Variants in PKHD1 observed in about 807,000 individuals in gnomAD.
PKHD1 encodes fibrocystin.
PKHD1 carries 291 observed loss-of-function variants against 412.0 expected under a neutral mutation model. The observed-to-expected ratio is 0.71, with a 90% CI of 0.64 to 0.78. The LOEUF (loss-of-function observed/expected upper bound fraction) is 0.78, where lower values mean the gene tolerates loss of function less well. Ranked by LOEUF, PKHD1 falls within the 30% of genes least tolerant of loss-of-function variation. The probability of loss-of-function intolerance (pLI) is 0.00; values close to 1 mark genes in which losing one functional copy is unlikely to be tolerated. For missense variants in PKHD1, 4,825 were observed against 4,950.7 expected (o/e 0.97, Z 0.76); for synonymous variants, 1,777 against 1,821.5 (o/e 0.98, Z 0.62).
In PKHD1 at chr6:51,831,030, G is replaced by A. The variant is rs201566745; in HGVS notation, c.8174-41C>T. The A allele has an allele frequency of 4.0e-6, 6 of 1,513,062 alleles. No individual in the cohort carries two copies. The East Asian group carries it at 1.4e-4, about 35-fold the overall frequency. 93.7% of individuals were successfully genotyped at this position (1,513,062 alleles called of 1,614,324 possible). On this transcript the variant is annotated intron_variant, in intron 51 of 66. Coordinates refer to ENST00000371117, the MANE Select transcript of PKHD1 (RefSeq NM_138694.4). The stretch of plus-strand genomic sequence containing the variant: ...AAATTTTGAAAATCTAATCCATTGT[G>A]ATAACTTCCAAATTCTATCCTTATT...
chr6:51,872,809 T>C (rs1776184397), intron 46 of PKHD1, among the ~76,000 whole-genome samples: 1 of 151,330 alleles, frequency 6.6e-6, no homozygotes, highest in South Asian at 2.1e-4. Flanking sequence ...TGGTATCCTG[T>C]AACCAACAAT....
Position 51,906,386 on chromosome 6 carries a change from T to C in PKHD1, c.6683-46A>G, listed in dbSNP as rs560902081. On this transcript the variant is annotated intron_variant, in intron 40 of 66. Coordinates refer to ENST00000371117, the MANE Select transcript of PKHD1 (RefSeq NM_138694.4). ...TAAAAATTAGATATGGCTCCTGAGA[T>C]TCTGTTGACCATATTTAGAGCAACC... 10 of 1,541,946 alleles carry C rather than the reference T, an allele frequency of 6.5e-6. No individual in the cohort carries two copies. The African/African-American group carries it at 6.8e-5, about 10-fold the overall frequency.
At chr6:51,834,266 C>A (rs1768788447) in intron 51 of PKHD1, among the ~76,000 whole-genome samples, 1 of 152,044 alleles carries the variant, frequency 6.6e-6, no homozygotes, top group South Asian at 2.1e-4. Flanking sequence ...GTGGAAGATG[C>A]AGGAAGGGAT....
At chr6:51,978,502 G>A (rs1794740930) in intron 35 of PKHD1, among the ~76,000 whole-genome samples, 1 of 152,166 alleles carries the variant, frequency 6.6e-6, no homozygotes, top group Non-Finnish European at 1.5e-5. Context: ...AACATGGGCT[G>A]TGAGGGAAGA....
chr6:51,941,128 A>G (rs1018170464), intron 36 of PKHD1, among the ~76,000 whole-genome samples: 2 of 148,344 alleles, frequency 1.3e-5, no homozygotes, highest in African/African-American at 5.0e-5. Flanking sequence ...ACCCTTTACC[A>G]TCCCATTAAA....
At chr6:52,083,371 G>T in intron 2 of PKHD1, 116 bp from the exon 3 acceptor site, 1 of 754,838 alleles carries the variant, frequency 1.3e-6, no homozygotes, top group Non-Finnish European at 2.4e-6. Context: ...GCTTGATTAA[G>T]CACAGGTGGT....
intron 61 of PKHD1, 32 bp downstream of exon 61, chr6:51,658,920 C>T (rs1035738660): frequency 6.1e-6 from 9 of 1,474,570 alleles, no homozygotes; most frequent in African/African-American, 1.4e-5. Flanking sequence ...AAAATCAGCC[C>T]TCATTTGGAT....
At chr6:51,725,486 G>T (rs1782460259) in intron 60 of PKHD1, among the ~76,000 whole-genome samples, 1 of 151,884 alleles carries the variant, frequency 6.6e-6, no homozygotes, top group South Asian at 2.1e-4. Flanking sequence ...TGGAAAAATG[G>T]AGAGAAAGAG....
At chr6:51,632,447 T>C in intron 65 of PKHD1, 118 bp downstream of exon 65, 1 of 811,020 alleles carries the variant, frequency 1.2e-6, no homozygotes, top group Non-Finnish European at 2.0e-6. Context: ...TAATTTTATA[T>C]TTTAGAGAAG....
At chr6:51,632,199 C>T (rs1768011373) in intron 65 of PKHD1, among the ~76,000 whole-genome samples, 1 of 152,100 alleles carries the variant, frequency 6.6e-6, no homozygotes, top group Non-Finnish European at 1.5e-5. Flanking sequence ...CCACCTCTGC[C>T]TCCCAAAGTG....
intron 55 of PKHD1, among the ~76,000 whole-genome samples, chr6:51,760,262 A>G (rs1170909479): frequency 6.6e-6 from 1 of 152,066 alleles, no homozygotes; most frequent in African/African-American, 2.4e-5. Context: ...ATACACATCA[A>G]GTCAATGTAG....
At chr6:51,919,847 A>G (rs542372210) in intron 37 of PKHD1, among the ~76,000 whole-genome samples, 25 of 152,316 alleles carry the variant, frequency 1.6e-4, no homozygotes, top group African/African-American at 5.8e-4. Context: ...GGTCCTTCAC[A>G]TCCCTTGTAA....
chr6:51,619,679 A>G (rs1766367322), intron 66 of PKHD1, among the ~76,000 whole-genome samples, 159 bp from the exon 67 acceptor site: 2 of 152,244 alleles, frequency 1.3e-5, no homozygotes, highest in East Asian at 1.9e-4. Context: ...CACTCCAAAT[A>G]TGTAATAAAA....
chr6:51,866,294 G>A (rs1415136688), intron 48 of PKHD1, among the ~76,000 whole-genome samples: 1 of 152,128 alleles, frequency 6.6e-6, no homozygotes, highest in African/African-American at 2.4e-5. Flanking sequence ...GACTGAGGAA[G>A]TTTCCAGAAC....
chr6:51,952,080 C>T (rs1010943813), intron 36 of PKHD1, among the ~76,000 whole-genome samples: 3 of 152,120 alleles, frequency 2.0e-5, no homozygotes, highest in African/African-American at 7.2e-5. Context: ...TGTCTGTCTG[C>T]CCATCTATTG....
intron 36 of PKHD1, among the ~76,000 whole-genome samples, chr6:51,936,380 A>G (rs1787482396): frequency 1.3e-5 from 2 of 152,218 alleles, no homozygotes; most frequent in South Asian, 4.1e-4. Flanking sequence ...GGCAGATTCT[A>G]CTATAATAAG....
intron 53 of PKHD1, among the ~76,000 whole-genome samples, chr6:51,785,565 T>C (rs914879190): frequency 2.0e-5 from 3 of 152,236 alleles, no homozygotes; most frequent in African/African-American, 4.8e-5. Flanking sequence ...TGGAATAAGA[T>C]GGCCAATTTT....
chr6:52,019,208 C>A (rs889283293), intron 33 of PKHD1, among the ~76,000 whole-genome samples: 1 of 152,144 alleles, frequency 6.6e-6, no homozygotes, highest in African/African-American at 2.4e-5. Flanking sequence ...CAAGCCTGCC[C>A]ATGTGGGTAA....
intron 36 of PKHD1, among the ~76,000 whole-genome samples, chr6:51,935,015 C>T (rs1193353741): frequency 6.6e-6 from 1 of 152,186 alleles, no homozygotes; most frequent in South Asian, 2.1e-4. Flanking sequence ...ACACCTGCTT[C>T]TGAGATGCCC....
Sources: gnomAD v4.1 joint callset for allele counts (sites outside exome capture counted in the v4.1 genomes callset) on GRCh38, gnomAD v4.1.1 for gene constraint, MANE v1.5 for transcripts, NCBI Gene and HGNC (gene_info 2026-07-23, HGNC 2026-07-21) for gene names.